The following RFX4 variants were observed in gnomAD, a reference collection of about 807,000 sequenced individuals.
RFX4 encodes transcription factor RFX4.
Under a neutral mutation model 95.0 loss-of-function variants are expected in RFX4, and 10 were observed. That is an observed-to-expected ratio of 0.11 (90% CI 0.06 to 0.18). RFX4 has a LOEUF of 0.18. Ranked by LOEUF, RFX4 falls within the 10% of genes least tolerant of loss-of-function variation. The pLI is 1.00. For missense variants in RFX4, 640 were observed against 922.0 expected (o/e 0.69, Z 3.96); for synonymous variants, 321 against 340.7 (o/e 0.94, Z 0.64).
chr12:106,673,037 A>T (rs897233198), intron 4 of RFX4, among the ~76,000 whole-genome samples: 1 of 152,212 alleles, frequency 6.6e-6, no homozygotes, highest in Admixed American at 6.5e-5. Flanking sequence ...ACTTTTAGGT[A>T]AAAGAATTTT....
At chr12:106,725,629 T>C (rs979068815) in intron 13 of RFX4, among the ~76,000 whole-genome samples, 2 of 152,108 alleles carry the variant, frequency 1.3e-5, no homozygotes, top group African/African-American at 4.8e-5. Flanking sequence ...TATATGTTAA[T>C]AAATTAAGGT....
intron 2 of RFX4, 47 bp from the exon 3 acceptor site, chr12:106,639,285 C>T (rs755097332): frequency 2.0e-6 from 3 of 1,531,926 alleles, no homozygotes; most frequent in Non-Finnish European, 2.7e-6. Context: ...TTTACTTTTT[C>T]CTACTGTTTC....
intron 3 of RFX4, among the ~76,000 whole-genome samples, chr12:106,651,657 C>G (rs979495372): frequency 1.3e-5 from 2 of 152,150 alleles, no homozygotes; most frequent in Non-Finnish European, 2.9e-5. Flanking sequence ...TATGCCAACA[C>G]AAGTGCCTAC....
At chr12:106,623,849 A>G (rs1340069932) in intron 2 of RFX4, among the ~76,000 whole-genome samples, 2 of 152,236 alleles carry the variant, frequency 1.3e-5, no homozygotes, top group East Asian at 3.8e-4. Flanking sequence ...GATTTAAATG[A>G]TGTAGATATT....
At chr12:106,616,192 CT>C (rs1183524893) in intron 2 of RFX4, among the ~76,000 whole-genome samples, 1 of 152,142 alleles carries the variant, frequency 6.6e-6, no homozygotes, top group Non-Finnish European at 1.5e-5. Context: ...TTATCAAACA[CT>C]TTTTCTACAT....
chr12:106,680,338 T>A (rs1219580145), intron 4 of RFX4, among the ~76,000 whole-genome samples: 3 of 152,180 alleles, frequency 2.0e-5, no homozygotes, highest in African/African-American at 7.2e-5. Context: ...ATCCCATTGA[T>A]ACCATTTTAG....
intron 3 of RFX4, among the ~76,000 whole-genome samples, chr12:106,644,871 G>A (rs2040711631): frequency 6.6e-6 from 1 of 152,194 alleles, no homozygotes; most frequent in African/African-American, 2.4e-5. Context: ...GCCAGCCCCT[G>A]AGGACAGAGA....
At position 106,720,767 on chromosome 12, in the gene RFX4, C is replaced by T; in HGVS notation, c.1242C>T (p.Ala414=). ...MVDRCVVKVA[A]KRQGSLKKVA... ...CATTTACTTTCTTGTAGGTGGCTGC[C>T]AAGAGACAAGGGTCCTTGAAGAAAG... Residue 414 remains alanine, a synonymous_variant, in exon 13 of 18, where the codon GCC becomes GCT. Transcript: ENST00000392842. The surrounding 1 kb of genome is among the most constrained non-coding windows in gnomAD (Gnocchi z 4.2). 4 of 1,614,026 alleles carry T rather than the reference C, an allele frequency of 2.5e-6. No individual in the cohort carries two copies. The highest frequency in any genetic ancestry group is 3.4e-6 in the Non-Finnish European group (4 of 1,180,018).
intron 6 of RFX4, 70 bp downstream of exon 6, chr12:106,687,167 A>T: frequency 1.3e-6 from 1 of 791,656 alleles, no homozygotes; most frequent in Non-Finnish European, 2.0e-6. Flanking sequence ...CTCTGTCTCT[A>T]TCTCTCTCTC....
At chr12:106,588,833 A>G (rs983848359) in intron 1 of RFX4, among the ~76,000 whole-genome samples, 1 of 152,200 alleles carries the variant, frequency 6.6e-6, no homozygotes, top group Non-Finnish European at 1.5e-5. Flanking sequence ...TGAGCGTGGC[A>G]TTATTCTGAA....
chr12:106,590,050 G>A (rs954601497), intron 1 of RFX4, among the ~76,000 whole-genome samples: 7 of 152,152 alleles, frequency 4.6e-5, no homozygotes, highest in African/African-American at 1.7e-4. Flanking sequence ...CCACAAATAA[G>A]TAAACACAAA....
At chr12:106,708,728 A>G (rs1413203176) in intron 8 of RFX4, among the ~76,000 whole-genome samples, 1 of 152,132 alleles carries the variant, frequency 6.6e-6, no homozygotes, top group Non-Finnish European at 1.5e-5. Flanking sequence ...CTCAACTTCA[A>G]ATTCCCATCT....
Position 106,584,292 on chromosome 12 carries a change from G to C in RFX4, c.43+929G>C, listed in dbSNP as rs1208605586. 2.6e-5 allele frequency among the ~76,000 whole-genome samples: 4 copies of C among 152,254 alleles called. No homozygotes were observed. In the East Asian group the frequency reaches 7.7e-4, roughly 29 times the overall value. On this transcript the variant is annotated intron_variant, in intron 1 of 17. Transcript: ENST00000392842. ...TCTGTTAACGCTCCCTAAGTCCCTT[G>C]CAGGTGGAAGTTCTCTTACAGTTCA...
At chr12:106,609,235 G>A (rs1301811364) in intron 2 of RFX4, among the ~76,000 whole-genome samples, 1 of 152,168 alleles carries the variant, frequency 6.6e-6, no homozygotes, top group African/African-American at 2.4e-5. Context: ...TGTAAATATG[G>A]GTTCAAAGTA....
chr12:106,749,394 T>C (rs1386353229), intron 16 of RFX4, among the ~76,000 whole-genome samples: 2 of 152,116 alleles, frequency 1.3e-5, no homozygotes, highest in African/African-American at 4.8e-5. Context: ...CCTTCCACAG[T>C]TGGCCCAGCA....
intron 15 of RFX4, among the ~76,000 whole-genome samples, chr12:106,742,943 CTATTA>C (rs898763536): frequency 2.6e-5 from 4 of 152,186 alleles, no homozygotes; most frequent in Non-Finnish European, 5.9e-5. Flanking sequence ...TACTGATTGT[CTATTA>C]TATTCCGAGC....
At chr12:106,636,517 G>C (rs761877963) in intron 2 of RFX4, among the ~76,000 whole-genome samples, 3 of 152,116 alleles carry the variant, frequency 2.0e-5, no homozygotes, top group Non-Finnish European at 4.4e-5. Flanking sequence ...TCCTGACTAA[G>C]AGAGTATCAA....
At chr12:106,717,463 C>T (rs1388962893) in intron 11 of RFX4, among the ~76,000 whole-genome samples, 2 of 152,222 alleles carry the variant, frequency 1.3e-5, no homozygotes, top group African/African-American at 4.8e-5. Context: ...CAAGAAAGAA[C>T]CTTCTGTGGC....
At chr12:106,592,944 T>G (rs1223553838) in intron 1 of RFX4, among the ~76,000 whole-genome samples, 1 of 152,184 alleles carries the variant, frequency 6.6e-6, no homozygotes, top group African/African-American at 2.4e-5. Context: ...AAGAATGAAA[T>G]GCAGCCATTT....
Sources: gnomAD v4.1 joint callset for allele counts (sites outside exome capture counted in the v4.1 genomes callset) on GRCh38, gnomAD v4.1.1 for gene constraint, Gnocchi (gnomAD v3.1) non-coding constraint, MANE v1.5 for transcripts, NCBI Gene and HGNC (gene_info 2026-07-23, HGNC 2026-07-21) for gene names.